TMEM132B: variants seen among roughly 807,000 people sequenced by gnomAD.
TMEM132B encodes the protein transmembrane protein 132B.
Under a neutral mutation model 90.8 loss-of-function variants are expected in TMEM132B, and 18 were observed. The observed-to-expected ratio is 0.20, with a 90% confidence interval of 0.14 to 0.29. TMEM132B has a LOEUF of 0.29. Ranked by LOEUF, TMEM132B falls within the 10% of genes least tolerant of loss-of-function variation. TMEM132B has a pLI of 1.00. For synonymous variants in TMEM132B, 504 were observed against 523.3 expected (o/e 0.96, Z 0.50); for missense variants, 1,096 against 1,326.8 (o/e 0.83, Z 2.70).
intron 1 of TMEM132B, among the ~76,000 whole-genome samples, chr12:125,322,477 A>C (rs1876455894): frequency 6.6e-6 from 1 of 152,248 alleles, no homozygotes; most frequent in Admixed American, 6.5e-5. Flanking sequence ...TCAAGCCTGC[A>C]GAGACAAATG....
intron 3 of TMEM132B, among the ~76,000 whole-genome samples, chr12:125,463,828 A>G (rs944340621): frequency 1.2e-4 from 18 of 152,214 alleles, no homozygotes; most frequent in Non-Finnish European, 1.9e-4. Context: ...TATAAACAAA[A>G]GAGGTTTAAT....
chr12:125,245,189 GT>G (rs1357522095), intron 1 of TMEM132B, among the ~76,000 whole-genome samples: 3 of 151,994 alleles, frequency 2.0e-5, no homozygotes, highest in Non-Finnish European at 2.9e-5. Flanking sequence ...TTTTCACTTG[GT>G]TTCTTTTCAG....
chr12:125,573,975 G>T (rs565631721), intron 4 of TMEM132B, among the ~76,000 whole-genome samples: 1 of 152,248 alleles, frequency 6.6e-6, no homozygotes, highest in Admixed American at 6.5e-5. Context: ...CACGTTATCT[G>T]TTACATAATA....
intron 1 of TMEM132B, among the ~76,000 whole-genome samples, chr12:125,194,531 TCTC>T (rs1872883766): frequency 6.6e-6 from 1 of 152,186 alleles, no homozygotes; most frequent in Non-Finnish European, 1.5e-5. Flanking sequence ...CAGCACCTCA[TCTC>T]CTGGCTCCCG....
At position 125,342,437 on chromosome 12, in the gene TMEM132B, T is replaced by G. The variant is rs375216764; in HGVS notation, c.68-7015T>G. 2.8e-4 allele frequency among the ~76,000 whole-genome samples: 42 copies of G among 152,334 alleles called. No individual in the cohort carries two copies. The South Asian group carries it at 8.3e-3, about 30-fold the overall frequency. ...GTGTCAGTTATTACATTATAGGCTC[T>G]AAGTTTTAAACTTGCTCTTCTATTC... On this transcript the variant is annotated intron_variant, in intron 1 of 8. Transcript: ENST00000682704.
chr12:125,648,443 A>G (rs1886821910), intron 6 of TMEM132B, among the ~76,000 whole-genome samples: 1 of 151,574 alleles, frequency 6.6e-6, no homozygotes, highest in African/African-American at 2.4e-5. Context: ...TATGTATACC[A>G]TTGCCAATTT....
At chr12:125,419,072 T>C (rs1880099974) in intron 3 of TMEM132B, among the ~76,000 whole-genome samples, 1 of 152,174 alleles carries the variant, frequency 6.6e-6, no homozygotes, top group Non-Finnish European at 1.5e-5. Context: ...CCGCAACTTT[T>C]TATGTGGACA....
intron 1 of TMEM132B, among the ~76,000 whole-genome samples, chr12:125,191,463 G>C (rs892634703): frequency 1.3e-5 from 2 of 152,132 alleles, no homozygotes; most frequent in Non-Finnish European, 2.9e-5. Context: ...GCACTGGTCT[G>C]TGTCTTACCC....
At chr12:125,499,315 T>A (rs1215140325) in intron 3 of TMEM132B, among the ~76,000 whole-genome samples, 1 of 152,190 alleles carries the variant, frequency 6.6e-6, no homozygotes, top group Non-Finnish European at 1.5e-5. Flanking sequence ...ACTGATTGAG[T>A]TGAGAGCTAT....
chr12:125,612,438 C>T (rs1443374570), intron 5 of TMEM132B, among the ~76,000 whole-genome samples: 3 of 151,258 alleles, frequency 2.0e-5, no homozygotes, highest in Non-Finnish European at 2.9e-5. Context: ...GCACTCCTGC[C>T]TGGGCACCAG....
At chr12:125,615,003 C>G (rs944529990) in intron 5 of TMEM132B, among the ~76,000 whole-genome samples, 4 of 152,034 alleles carry the variant, frequency 2.6e-5, no homozygotes, top group African/African-American at 9.7e-5. Flanking sequence ...ATCCTGCTGT[C>G]CTCAGGTTTT....
intron 2 of TMEM132B, among the ~76,000 whole-genome samples, chr12:125,398,392 A>G (rs1879223661): frequency 6.6e-6 from 1 of 152,228 alleles, no homozygotes. Flanking sequence ...GATGTGAGAA[A>G]ACAGTTGACA....
At chr12:125,402,026 A>G (rs890695949) in intron 2 of TMEM132B, among the ~76,000 whole-genome samples, 2 of 152,218 alleles carry the variant, frequency 1.3e-5, no homozygotes, top group African/African-American at 2.4e-5. Context: ...TGACATTGCT[A>G]GTAGGATCAC....
intron 2 of TMEM132B, among the ~76,000 whole-genome samples, chr12:125,355,435 C>T (rs764335699): frequency 4.6e-5 from 7 of 151,964 alleles, no homozygotes; most frequent in Non-Finnish European, 2.9e-5. Context: ...CTGGTTGGCC[C>T]GGAGTTGGAA....
intron 3 of TMEM132B, among the ~76,000 whole-genome samples, chr12:125,463,108 A>G (rs183449989): frequency 2.1e-4 from 32 of 152,372 alleles, no homozygotes; most frequent in Admixed American, 1.2e-3. Flanking sequence ...ACTAAAAGCA[A>G]TGGCAGTACT....
intron 1 of TMEM132B, among the ~76,000 whole-genome samples, chr12:125,255,800 T>C (rs1874426594): frequency 6.6e-6 from 1 of 152,166 alleles, no homozygotes; most frequent in South Asian, 2.1e-4. Context: ...AAACGACATC[T>C]TTCAACAAGT....
intron 3 of TMEM132B, among the ~76,000 whole-genome samples, chr12:125,475,126 T>A (rs1371683673): frequency 2.6e-5 from 4 of 152,022 alleles, no homozygotes; most frequent in Non-Finnish European, 5.9e-5. Context: ...CCGGGTGACA[T>A]GTTTAGAGGA....
rs1370150826 is a variant in TMEM132B at position 125,349,970 on chromosome 12, C to T, written c.586C>T (p.Pro196Ser). 6.2e-7 allele frequency: 1 copy of T among 1,614,178 alleles called. No homozygotes were observed. The highest frequency in any genetic ancestry group is 8.5e-7 in the Non-Finnish European group (1 of 1,180,044). The stretch of plus-strand genomic sequence containing the variant: ...GTGTGTGGCTGAGCTGGAGCTGCTG[C>T]CCGAGTGGTTCAGCTCAGGCCTGGA... Reference protein sequence around the residue: ...GLCVAELELLPEWFSSGLDLE... With the variant: ...GLCVAELELLSEWFSSGLDLE... The change falls in exon 2 of 9, where the codon CCC becomes TCC. Residue 196 changes from proline to serine, a missense_variant. Transcript: ENST00000682704. This position sits in a 1 kb window ranked among gnomAD's most constrained non-coding sequence, Gnocchi z 4.1.
chr12:125,482,910 C>T (rs1212124449), intron 3 of TMEM132B, among the ~76,000 whole-genome samples: 1 of 152,110 alleles, frequency 6.6e-6, no homozygotes, highest in Non-Finnish European at 1.5e-5. Context: ...GAATACTATG[C>T]AGCCATAAAA....
Sources: gnomAD v4.1 joint callset for allele counts (sites outside exome capture counted in the v4.1 genomes callset) on GRCh38, gnomAD v4.1.1 for gene constraint, Gnocchi (gnomAD v3.1) non-coding constraint, MANE v1.5 for transcripts, NCBI Gene and HGNC (gene_info 2026-07-23, HGNC 2026-07-21) for gene names.